SMOC2: variants seen among roughly 807,000 people sequenced by gnomAD.
SMOC2 encodes the protein SPARC related modular calcium binding 2.
Under a neutral mutation model 61.4 loss-of-function variants are expected in SMOC2, and 39 were observed. That is an observed-to-expected ratio of 0.64 (90% CI 0.49 to 0.83). The LOEUF (loss-of-function observed/expected upper bound fraction) is 0.83, where lower values mean the gene tolerates loss of function less well. Among genes scored for constraint, SMOC2 ranks in the 40% least tolerant of loss-of-function variants. The pLI is 0.00. For synonymous variants in SMOC2, 247 were observed against 239.9 expected (o/e 1.03, Z -0.27); for missense variants, 556 against 592.9 (o/e 0.94, Z 0.65).
chr6:168,449,307 C>T (rs182648866), intron 1 of SMOC2, among the ~76,000 whole-genome samples: 3 of 152,270 alleles, frequency 2.0e-5, no homozygotes, highest in East Asian at 3.9e-4. Flanking sequence ...ACATTTATAG[C>T]GGTCACTGTA....
At position 168,544,813 on chromosome 6, in the gene SMOC2, A is replaced by C. The variant is rs1783953688; in HGVS notation, c.511+1141A>C. On this transcript the variant is annotated intron_variant, in intron 5 of 12. Coordinates refer to ENST00000356284, the MANE Select transcript of SMOC2 (RefSeq NM_001166412.2). This position sits in a 1 kb window ranked among gnomAD's most constrained non-coding sequence, Gnocchi z 4.1. ...AGAGTTCTGTATTACTAGGACACTG[A>C]CATTTTGGAGGGACAAGCTGGCATG... is the stretch of plus-strand genomic sequence containing the variant. Among the ~76,000 whole-genome samples the C allele has an allele frequency of 2.0e-5, 3 of 152,226 alleles. No homozygotes were observed. The highest frequency in any genetic ancestry group is 7.2e-5 in the African/African-American group (3 of 41,460).
intron 9 of SMOC2, among the ~76,000 whole-genome samples, chr6:168,647,758 G>A (rs6937927): frequency 0.49 from 74,881 of 151,990 alleles, 20,382 homozygotes; most frequent in Non-Finnish European, 0.62. Flanking sequence ...TCTTCTGATT[G>A]CTTGTAATCT....
intron 4 of SMOC2, among the ~76,000 whole-genome samples, chr6:168,542,129 C>T (rs965497748): frequency 4.6e-5 from 7 of 152,054 alleles, no homozygotes; most frequent in Non-Finnish European, 7.4e-5. Flanking sequence ...TTGCCTCTTT[C>T]GGGAACACAT....
intron 1 of SMOC2, among the ~76,000 whole-genome samples, chr6:168,441,897 A>G (rs148224207): frequency 0.037 from 5,599 of 152,116 alleles, 161 homozygotes; most frequent in South Asian, 0.13. Flanking sequence ...GGACTGTCCC[A>G]AGGCCAAGAC....
At chr6:168,575,775 C>T (rs116053659) in intron 7 of SMOC2, among the ~76,000 whole-genome samples, 91 of 152,362 alleles carry the variant, frequency 6.0e-4, no homozygotes, top group African/African-American at 2.0e-3. Context: ...CATGACAGGA[C>T]ACCAGCCAAT....
In SMOC2 at chr6:168,509,956, G is replaced by C; in HGVS notation, c.126G>C (p.Leu42Phe). 2 of 1,613,992 alleles carry C rather than the reference G, an allele frequency of 1.2e-6. No individual in the cohort carries two copies. The highest frequency in any genetic ancestry group is 1.7e-6 in the Non-Finnish European group (2 of 1,179,886). ...AAGATAAAGACAAGGATTGTAGCTT[G>C]GACTGTGCGGGTTCGCCCCAGAAAC... is the stretch of plus-strand genomic sequence containing the variant. ...VDQDKDKDCS[L>F]DCAGSPQKPL... The change falls in exon 2 of 13, where the codon TTG becomes TTC. Residue 42 changes from leucine to phenylalanine, a missense_variant. Transcript: ENST00000356284.
At chr6:168,599,082 TTCC>T in intron 8 of SMOC2, 78 bp downstream of exon 8, 1 of 1,307,316 alleles carries the variant, frequency 7.6e-7, no homozygotes, top group Non-Finnish European at 1.0e-6. Context: ...GAACCCCCAC[TTCC>T]CCCAACACAC....
chr6:168,591,128 T>C (rs960954421), intron 7 of SMOC2, among the ~76,000 whole-genome samples: 3 of 152,256 alleles, frequency 2.0e-5, no homozygotes, highest in African/African-American at 7.2e-5. Context: ...ACAACACTTA[T>C]AGAAGTAAAT....
chr6:168,513,416 C>T (rs1391864994), intron 2 of SMOC2, among the ~76,000 whole-genome samples: 1 of 151,324 alleles, frequency 6.6e-6, no homozygotes, highest in African/African-American at 2.4e-5. Context: ...GTGGTGAAAA[C>T]TTGGATGAAA....
chr6:168,495,036 G>A (rs564913077), intron 1 of SMOC2, among the ~76,000 whole-genome samples: 5 of 152,326 alleles, frequency 3.3e-5, no homozygotes, highest in South Asian at 4.1e-4. Flanking sequence ...CCTGAAACCC[G>A]CAGGGAACCT....
At chr6:168,449,224 C>T (rs547933217) in intron 1 of SMOC2, among the ~76,000 whole-genome samples, 9 of 152,170 alleles carry the variant, frequency 5.9e-5, no homozygotes, top group Non-Finnish European at 1.2e-4. Context: ...TCTGCCATGG[C>T]GTTTCTTATA....
intron 7 of SMOC2, among the ~76,000 whole-genome samples, chr6:168,557,205 C>G (rs556027245): frequency 6.6e-6 from 1 of 152,048 alleles, no homozygotes; most frequent in Non-Finnish European, 1.5e-5. Context: ...ACACAAACAT[C>G]AAGACACCAA....
intron 1 of SMOC2, among the ~76,000 whole-genome samples, chr6:168,509,683 G>A: frequency 6.6e-6 from 1 of 152,190 alleles, no homozygotes; most frequent in East Asian, 1.9e-4. Context: ...TTCTGTGTCA[G>A]ACGGCCGATA....
intron 2 of SMOC2, among the ~76,000 whole-genome samples, chr6:168,515,252 A>T (rs1174087711): frequency 6.6e-6 from 1 of 152,204 alleles, no homozygotes; most frequent in Non-Finnish European, 1.5e-5. Flanking sequence ...AATCTAAAGG[A>T]TTCTGTTGGA....
chr6:168,564,026 G>A (rs150824532), intron 7 of SMOC2, among the ~76,000 whole-genome samples: 127 of 152,282 alleles, frequency 8.3e-4, no homozygotes, highest in African/African-American at 3.0e-3. Context: ...AATTTAAGCA[G>A]CTTCTCAGGT....
chr6:168,572,896 T>C (rs1784699697), intron 7 of SMOC2, among the ~76,000 whole-genome samples: 1 of 108,662 alleles, frequency 9.2e-6, no homozygotes, highest in African/African-American at 5.7e-5. Context: ...GGCTGCGTGG[T>C]CCCTGAACGC....
chr6:168,473,600 C>T (rs1782016284), intron 1 of SMOC2, among the ~76,000 whole-genome samples: 1 of 152,144 alleles, frequency 6.6e-6, no homozygotes, highest in South Asian at 2.1e-4. Flanking sequence ...GCATTGAACT[C>T]CAGGTGACAG....
At position 168,456,157 on chromosome 6, in the gene SMOC2, C is replaced by T. The variant is rs551354531; in HGVS notation, c.84+14703C>T. Among the ~76,000 whole-genome samples the T allele has an allele frequency of 5.3e-5, 8 of 152,338 alleles. No homozygotes were observed. In the South Asian group the frequency reaches 8.3e-4, roughly 16 times the overall value. On this transcript the variant is annotated intron_variant, in intron 1 of 12. Coordinates refer to ENST00000356284, the MANE Select transcript of SMOC2 (RefSeq NM_001166412.2). The stretch of plus-strand genomic sequence containing the variant: ...GCCGACGTCTCTTGCCTGAGCTCTG[C>T]GAAGTGACTTCATCTGCTTCTGGTT...
chr6:168,456,363 G>A (rs1182533498), intron 1 of SMOC2, among the ~76,000 whole-genome samples: 2 of 152,184 alleles, frequency 1.3e-5, no homozygotes, highest in African/African-American at 4.8e-5. Context: ...AGGTGGCCGC[G>A]GCCATTCTCA....
Sources: gnomAD v4.1 joint callset for allele counts (sites outside exome capture counted in the v4.1 genomes callset) on GRCh38, gnomAD v4.1.1 for gene constraint, Gnocchi (gnomAD v3.1) non-coding constraint, MANE v1.5 for transcripts, NCBI Gene and HGNC (gene_info 2026-07-23, HGNC 2026-07-21) for gene names.